The following RANBP2 variants were observed in gnomAD, a reference collection of about 807,000 sequenced individuals.
The protein encoded by RANBP2 is RAN binding protein 2.
A neutral mutation model predicts 303.6 loss-of-function variants in RANBP2; 57 were observed. That is an observed-to-expected ratio of 0.19 (90% CI 0.15 to 0.23). The LOEUF is 0.23. Among genes scored for constraint, RANBP2 ranks in the 10% least tolerant of loss-of-function variants. The probability of loss-of-function intolerance (pLI) is 1.00; values close to 1 mark genes in which losing one functional copy is unlikely to be tolerated. For synonymous variants in RANBP2, 1,167 were observed against 1,301.5 expected (o/e 0.90, Z 2.23); for missense variants, 3,138 against 3,780.8 (o/e 0.83, Z 4.46).
chr2:109,144,132 G>C, the RANBP2 span, among the ~76,000 whole-genome samples: 2 of 152,182 alleles, frequency 1.3e-5, no homozygotes, highest in Non-Finnish European at 2.9e-5. Context: ...GTGCAGCATG[G>C]TGACCATAGT....
intron 20 of RANBP2, among the ~76,000 whole-genome samples, chr2:108,768,794 A>T (rs546054160): frequency 5.3e-5 from 8 of 151,966 alleles, no homozygotes; most frequent in Non-Finnish European, 8.8e-5. Flanking sequence ...GCACTTTGGG[A>T]GGTTGAGGTG....
At chr2:109,662,187 T>A in the RANBP2 span, among the ~76,000 whole-genome samples, 1 of 152,224 alleles carries the variant, frequency 6.6e-6, no homozygotes, top group Non-Finnish European at 1.5e-5. Flanking sequence ...AGTCTGAGAC[T>A]TTCCTTTGTC....
the RANBP2 span, among the ~76,000 whole-genome samples, chr2:109,711,276 C>T: frequency 1.3e-5 from 2 of 151,944 alleles, no homozygotes; most frequent in African/African-American, 4.8e-5. Context: ...CTTCTCCTCA[C>T]ACCCTATAAA....
At chr2:109,508,448 AC>A in the RANBP2 span, among the ~76,000 whole-genome samples, 1 of 152,142 alleles carries the variant, frequency 6.6e-6, no homozygotes, top group Non-Finnish European at 1.5e-5. Flanking sequence ...TTGCCCTGGA[AC>A]CCCATGGCAC....
At chr2:109,167,121 A>G in the RANBP2 span, among the ~76,000 whole-genome samples, 1 of 152,222 alleles carries the variant, frequency 6.6e-6, no homozygotes, top group Non-Finnish European at 1.5e-5. Flanking sequence ...GAGTAGTTCT[A>G]GTAAGTGTTC....
At chr2:109,081,586 C>A in the RANBP2 span, among the ~76,000 whole-genome samples, 1 of 152,178 alleles carries the variant, frequency 6.6e-6, no homozygotes, top group Non-Finnish European at 1.5e-5. Context: ...GACTGCCTGT[C>A]GCTTGTGGTC....
the RANBP2 span, among the ~76,000 whole-genome samples, chr2:108,993,827 T>G: frequency 2.9e-4 from 44 of 152,294 alleles, 1 homozygote; most frequent in East Asian, 7.5e-3. Context: ...AACAAAAATA[T>G]TGTAGGCTGG....
the RANBP2 span, among the ~76,000 whole-genome samples, chr2:108,795,327 T>C: frequency 6.6e-6 from 1 of 151,912 alleles, no homozygotes; most frequent in Non-Finnish European, 1.5e-5. Flanking sequence ...GCCAATTTTT[T>C]GTATTTTTAG....
the RANBP2 span, among the ~76,000 whole-genome samples, chr2:109,271,127 A>G: frequency 6.6e-6 from 1 of 152,220 alleles, no homozygotes. Flanking sequence ...GGCGAAGTGC[A>G]GGCAGAGAGC....
chr2:108,956,110 T>C, the RANBP2 span, among the ~76,000 whole-genome samples: 1 of 152,202 alleles, frequency 6.6e-6, no homozygotes, highest in African/African-American at 2.4e-5. Context: ...TTCCCTATTG[T>C]CTTAATTATT....
At chr2:109,581,562 C>T in the RANBP2 span, among the ~76,000 whole-genome samples, 2 of 151,690 alleles carry the variant, frequency 1.3e-5, no homozygotes, top group African/African-American at 4.8e-5. Flanking sequence ...GCAGTGGCTC[C>T]TCTGGGGGAA....
At chr2:108,828,243 C>T in the RANBP2 span, among the ~76,000 whole-genome samples, 3 of 151,770 alleles carry the variant, frequency 2.0e-5, no homozygotes, top group Admixed American at 6.6e-5. Context: ...TTATCAAATA[C>T]GAGAACAAGG....
the RANBP2 span, among the ~76,000 whole-genome samples, chr2:109,208,406 T>C: frequency 6.6e-6 from 1 of 152,220 alleles, no homozygotes; most frequent in Non-Finnish European, 1.5e-5. Context: ...ATGCTTCCTG[T>C]ATCTTGGAAC....
At chr2:109,521,542 C>T in the RANBP2 span, among the ~76,000 whole-genome samples, 20 of 152,236 alleles carry the variant, frequency 1.3e-4, no homozygotes, top group South Asian at 4.1e-4. Flanking sequence ...GATGATCACA[C>T]GGAGCTGGCA....
chr2:109,382,195 G>T, the RANBP2 span, among the ~76,000 whole-genome samples: 1 of 152,178 alleles, frequency 6.6e-6, no homozygotes, highest in Non-Finnish European at 1.5e-5. Flanking sequence ...TTTCTTTGTA[G>T]CCCAGGAATT....
At position 108,781,303 on chromosome 2, in the gene RANBP2, T is replaced by C. The variant is rs1202429444; in HGVS notation, c.8634T>C (p.Ala2878=). 2 of 1,614,060 alleles carry C rather than the reference T, an allele frequency of 1.2e-6. No homozygotes were observed. Among genetic ancestry groups the C allele is most frequent in the Non-Finnish European group, 1.7e-6 (2 of 1,180,042 alleles). ...KNFQWANTGA[A]VFGTQSVGTQ... ...TCCAATGGGCAAATACTGGAGCAGC[T>C]GTGTTTGGAACACAGTCAGTCGGAA... The change falls in exon 26 of 29, where the codon GCT becomes GCC. Residue 2878 remains alanine (A), a synonymous_variant. Coordinates refer to ENST00000283195, the MANE Select transcript of RANBP2 (RefSeq NM_006267.5).
At chr2:109,045,684 C>T in the RANBP2 span, among the ~76,000 whole-genome samples, 1 of 152,166 alleles carries the variant, frequency 6.6e-6, no homozygotes, top group Non-Finnish European at 1.5e-5. Context: ...CCAGTGCTGC[C>T]ACTTCCCGGG....
At chr2:108,934,340 G>A in the RANBP2 span, among the ~76,000 whole-genome samples, 19 of 152,104 alleles carry the variant, frequency 1.2e-4, no homozygotes, top group African/African-American at 3.9e-4. Flanking sequence ...GGGGGCTGAC[G>A]GCTCCCAGTC....
intron 1 of RANBP2, among the ~76,000 whole-genome samples, chr2:108,723,119 A>G (rs549931502): frequency 5.9e-5 from 9 of 151,996 alleles, no homozygotes; most frequent in Non-Finnish European, 1.3e-4. Context: ...TAAATGATCC[A>G]CCTACCTCTG....
Sources: allele counts gnomAD v4.1 joint callset (sites outside exome capture counted in the v4.1 genomes callset), GRCh38; gene constraint gnomAD v4.1.1; transcripts MANE v1.5; gene names NCBI Gene and HGNC (gene_info 2026-07-23, HGNC 2026-07-21).